Variants in NCOR1 observed in about 807,000 individuals in gnomAD.
NCOR1 encodes the protein nuclear receptor corepressor 1.
Under a neutral mutation model 288.1 loss-of-function variants are expected in NCOR1, and 63 were observed. The ratio of observed to expected loss-of-function variants is 0.22; its 90% CI spans 0.18 to 0.27. NCOR1 has a LOEUF of 0.27. Ranked by LOEUF, NCOR1 falls within the 10% of genes least tolerant of loss-of-function variation. The pLI, the probability that NCOR1 is intolerant of heterozygous loss-of-function variation, is 1.00. For missense variants in NCOR1, 2,397 were observed against 3,019.2 expected (o/e 0.79, Z 4.83); for synonymous variants, 1,007 against 1,065.9 (o/e 0.94, Z 1.08).
intron 26 of NCOR1, among the ~76,000 whole-genome samples, chr17:16,078,277 T>C (rs1398871692): frequency 6.6e-6 from 1 of 152,318 alleles, no homozygotes; most frequent in African/African-American, 2.4e-5. Context: ...TCTGATACCA[T>C]ATGCTTAAGA....
chr17:16,029,239 A>G lies in NCOR1; in HGVS notation c.*3057T>C, dbSNP rs747959915. 2.2e-5 allele frequency: 10 copies of G among 453,840 alleles called. 1 individual carries two copies. Among genetic ancestry groups the G allele is most frequent in the South Asian group, 1.2e-4 (8 of 64,422 alleles). The allele number at this position is 453,840 out of a possible 1,614,324, so 28.1% of individuals were successfully genotyped here. ...TCATGGTCTCGTTGTTGGAAACACTAGGAGTTTTCAGGACAGTCTCTTCAT... is the reference window on the plus strand; with the variant it reads ...TCATGGTCTCGTTGTTGGAAACACTGGGAGTTTTCAGGACAGTCTCTTCAT... On this transcript the variant is annotated 3_prime_UTR_variant, in exon 46 of 46. Coordinates refer to ENST00000268712, the MANE Select transcript of NCOR1 (RefSeq NM_006311.4).
chr17:16,072,282 A>C (rs2061846244), intron 28 of NCOR1, 54 bp from the exon 29 acceptor site: 1 of 1,304,298 alleles, frequency 7.7e-7, no homozygotes, highest in African/African-American at 1.5e-5. Context: ...ATGTCAACTC[A>C]CATATACTGA....
At position 16,071,641 on chromosome 17, in the gene NCOR1, C is replaced by T. The variant is rs954168534; in HGVS notation, c.3920G>A (p.Ser1307Asn). Residue 1307 changes from serine to asparagine, a missense_variant, in exon 30 of 46, where the codon AGC becomes AAC. By Grantham distance (46) the Ser-to-Asn change is conservative (BLOSUM62 1). Around this residue, in one of 11 missense-constraint regions of NCOR1, gnomAD observed 1,872 missense variants for 2,187.8 expected, o/e 0.86. Coordinates refer to ENST00000268712, the MANE Select transcript of NCOR1 (RefSeq NM_006311.4). Reference sequence around the variant, plus strand: ...GGGATATTTAAGGCCATCTTCAAAGCTTTCAGTTGTTGCTCTTGGTGTCCC... The same window carrying T: ...GGGATATTTAAGGCCATCTTCAAAGTTTTCAGTTGTTGCTCTTGGTGTCCC... ...MQGTPRATTESFEDGLKYPKQ... is the reference protein window; with the variant it reads ...MQGTPRATTENFEDGLKYPKQ... 2 of 1,612,900 alleles carry T rather than the reference C, an allele frequency of 1.2e-6. No homozygotes were observed. Among genetic ancestry groups the T allele is most frequent in the East Asian group, 2.2e-5 (1 of 44,876 alleles).
At chr17:16,119,126 A>C (rs2072429707) in intron 17 of NCOR1, among the ~76,000 whole-genome samples, 1 of 152,252 alleles carries the variant, frequency 6.6e-6, no homozygotes, top group South Asian at 2.1e-4. Flanking sequence ...ATAGAGTCAT[A>C]ATTATTCTAA....
intron 27 of NCOR1, among the ~76,000 whole-genome samples, chr17:16,074,969 G>A (rs954126374): frequency 6.6e-6 from 1 of 152,130 alleles, no homozygotes; most frequent in African/African-American, 2.4e-5. Context: ...CCGGGTTCAC[G>A]CCATTCTCCT....
intron 20 of NCOR1, among the ~76,000 whole-genome samples, chr17:16,100,693 T>C (rs1242059665): frequency 6.6e-6 from 1 of 152,220 alleles, no homozygotes; most frequent in Non-Finnish European, 1.5e-5. Context: ...TATTTTAAAT[T>C]ACAAATATGA....
In NCOR1 at chr17:16,153,381, T is replaced by G; in HGVS notation, c.747A>C (p.Glu249Asp). 1.3e-6 allele frequency: 2 copies of G among 1,597,562 alleles called. No individual in the cohort carries two copies. The highest frequency in any genetic ancestry group is 1.7e-6 in the Non-Finnish European group (2 of 1,170,290). The stretch of plus-strand genomic sequence containing the variant: ...CAAGACCTTCAAAAATTTTATGAGC[T>G]TCTTCTGCTTTTTTCTAGAGATAAA... Reference protein sequence around the residue: ...IYDENRKKAEEAHKIFEGLGP... With the variant: ...IYDENRKKAEDAHKIFEGLGP... The change falls in exon 7 of 46, where the codon GAA becomes GAC. Residue 249 changes from glutamate to aspartate, a missense_variant. This residue lies in a region of NCOR1 where 76 missense variants were observed against 102.2 expected (regional missense o/e 0.74). Transcript: ENST00000268712.
At chr17:16,197,021 A>C (rs1306667697) in intron 1 of NCOR1, among the ~76,000 whole-genome samples, 2 of 103,744 alleles carry the variant, frequency 1.9e-5, no homozygotes, top group African/African-American at 6.8e-5. Context: ...TGACTCAAAA[A>C]ATAAAAGAAA....
intron 27 of NCOR1, among the ~76,000 whole-genome samples, chr17:16,073,990 T>A (rs145543067): frequency 4.6e-5 from 7 of 152,294 alleles, no homozygotes; most frequent in African/African-American, 1.7e-4. Context: ...TAAGAGTTGT[T>A]CAAGTCAAAG....
chr17:16,204,424 G>A (rs2091242642), intron 1 of NCOR1, among the ~76,000 whole-genome samples: 1 of 152,102 alleles, frequency 6.6e-6, no homozygotes. Context: ...ATTACAACCT[G>A]GGGACTCCTT....
At chr17:16,137,688 T>C in intron 13 of NCOR1, 1 of 255,358 alleles carries the variant, frequency 3.9e-6, no homozygotes, top group Non-Finnish European at 7.3e-6. Context: ...AACAAGTAAA[T>C]TCCCTTTCTG....
Position 16,068,097 on chromosome 17 carries a change from G to A in NCOR1, c.4538C>T (p.Thr1513Ile), listed in dbSNP as rs1486963223. ...SDVTISSNKS[T>I]NHERKSTLTP... ...CAGTGTCGATTTCCTTTCATGATTG[G>A]TAGACTTGTTAGAAGAAATTGTAAC... Residue 1513 changes from threonine to isoleucine, a missense_variant, in exon 32 of 46, where the codon ACC becomes ATC. By Grantham distance (89) the Thr-to-Ile change is moderately conservative. Coordinates refer to ENST00000268712, the MANE Select transcript of NCOR1 (RefSeq NM_006311.4). 7 of 1,612,608 alleles carry A rather than the reference G, an allele frequency of 4.3e-6. No individual in the cohort carries two copies. The highest frequency in any genetic ancestry group is 5.9e-6 in the Non-Finnish European group (7 of 1,179,220).
chr17:16,044,838 G>A, intron 42 of NCOR1: 1 of 1,039,952 alleles, frequency 9.6e-7, no homozygotes, highest in Non-Finnish European at 1.5e-6. Flanking sequence ...CCAGCAGCTG[G>A]TGCTGCACCA....
At position 16,032,101 on chromosome 17, in the gene NCOR1, G is replaced by C. The variant is rs1192036200; in HGVS notation, c.*195C>G. On this transcript the variant is annotated 3_prime_UTR_variant, in exon 46 of 46. Coordinates refer to ENST00000268712, the MANE Select transcript of NCOR1 (RefSeq NM_006311.4). ...CACTGAATTGCCTGTATCAAAGGCA[G>C]TTTTTTGTTTGTTTTTTTCCCATTT... 5.3e-6 allele frequency: 3 copies of C among 566,758 alleles called. No homozygotes were observed. The highest frequency in any genetic ancestry group is 8.8e-6 in the Non-Finnish European group (3 of 339,590). 35.1% of individuals were successfully genotyped at this position (566,758 alleles called of 1,614,324 possible). A position where few individuals can be genotyped will look rare whatever the true frequency, so the allele number is the denominator to read the frequency against.
rs556693890 is a variant in NCOR1 at position 16,127,437 on chromosome 17, GTATA to G, written c.1510-1235_1510-1232del. ...TATATATACATGTGTATATGTGTAT[GTATA>G]TATGTGTATATGTATATATACGTGT... is the stretch of plus-strand genomic sequence containing the variant. On this transcript the variant is annotated intron_variant, in intron 14 of 45. Transcript: ENST00000268712. Among the ~76,000 whole-genome samples, 19 of 143,634 alleles carry G rather than the reference GTATA, an allele frequency of 1.3e-4. 2 individuals are homozygous for G. The highest frequency in any genetic ancestry group is 2.6e-4 in the Non-Finnish European group (17 of 66,454). 94.2% of individuals were successfully genotyped at this position (143,634 alleles called of 152,430 possible).
At chr17:16,190,960 T>C (rs1332851846) in intron 2 of NCOR1, among the ~76,000 whole-genome samples, 1 of 152,170 alleles carries the variant, frequency 6.6e-6, no homozygotes, top group Non-Finnish European at 1.5e-5. Flanking sequence ...CTAAATCATG[T>C]CCCACAATCA....
rs755750980 is a variant in NCOR1 at position 16,126,119 on chromosome 17, T to G, written c.1597A>C (p.Lys533Gln). 1 of 1,497,754 alleles carries G rather than the reference T, an allele frequency of 6.7e-7. No homozygotes were observed. Among genetic ancestry groups the G allele is most frequent in the South Asian group, 1.3e-5 (1 of 79,308 alleles). The allele number at this position is 1,497,754 out of a possible 1,614,324, so 92.8% of individuals were successfully genotyped here. Reference sequence around the variant, plus strand: ...TTTTCATCTTTTTCCTCTTCATCTTTCTTTTCTTCTTCTTTTTTTTCTGTT... The same window carrying G: ...TTTTCATCTTTTTCCTCTTCATCTTGCTTTTCTTCTTCTTTTTTTTCTGTT... ...EKTEKKEEEK[K>Q]DEEEKDEKED... The change falls in exon 15 of 46, where the codon AAA (lysine) becomes CAA (glutamine). Residue 533 changes from lysine (K) to glutamine (Q), a missense_variant. By Grantham distance (53) the Lys-to-Gln change is moderately conservative. Coordinates refer to ENST00000268712, the MANE Select transcript of NCOR1 (RefSeq NM_006311.4).
intron 19 of NCOR1, 100 bp downstream of exon 19, chr17:16,108,686 C>T (rs2153052380): frequency 1.0e-6 from 1 of 977,546 alleles, no homozygotes; most frequent in Non-Finnish European, 1.5e-6. Flanking sequence ...AACACTGGCA[C>T]ACTGTTTCCT....
intron 6 of NCOR1, among the ~76,000 whole-genome samples, chr17:16,155,283 G>A (rs1730337612): frequency 6.6e-6 from 1 of 150,940 alleles, no homozygotes; most frequent in African/African-American, 2.4e-5. Flanking sequence ...CCCGGGAGGT[G>A]GAGGTTGCAG....
Sources: allele counts gnomAD v4.1 joint callset (sites outside exome capture counted in the v4.1 genomes callset), GRCh38; gene constraint gnomAD v4.1.1; regional missense constraint gnomAD v4.1.1; transcripts MANE v1.5; gene names NCBI Gene and HGNC (gene_info 2026-07-23, HGNC 2026-07-21).